The following GLYR1 variants were observed in gnomAD, a reference collection of about 807,000 sequenced individuals.
GLYR1 encodes the protein cytokine-like nuclear factor N-PAC.
GLYR1 carries 21 observed loss-of-function variants against 72.7 expected under a neutral mutation model. The observed-to-expected ratio is 0.29, with a 90% CI of 0.20 to 0.42. GLYR1 has a LOEUF of 0.42. GLYR1 is among the 10% of genes least tolerant of loss of function. The pLI, the probability that GLYR1 is intolerant of heterozygous loss-of-function variation, is 1.00. For missense variants in GLYR1, 594 were observed against 712.1 expected (o/e 0.83, Z 1.89); for synonymous variants, 392 against 270.2 (o/e 1.45, Z -4.42).
chr16:4,811,850 AG>A, intron 13 of GLYR1, 48 bp from the exon 14 acceptor site: 1 of 1,575,526 alleles, frequency 6.3e-7, no homozygotes, highest in Non-Finnish European at 8.6e-7. Flanking sequence ...TGCCACAGAC[AG>A]GGCTTCTCTG....
chr16:4,836,917 C>T lies in GLYR1; in HGVS notation c.156-4005G>A, dbSNP rs558890811. Among the ~76,000 whole-genome samples the T allele has an allele frequency of 6.6e-5, 10 of 152,182 alleles. No individual in the cohort carries two copies. In the East Asian group the frequency reaches 1.9e-3, roughly 29 times the overall value. ...GTTTCCTCCATGACTTCCTGGTTTG[C>T]AGGTTTGCTCTGGTGGGTTGCTGCT... On this transcript the variant is annotated intron_variant, in intron 3 of 15. Transcript: ENST00000321919.
At chr16:4,826,927 G>T (rs147503464) in intron 5 of GLYR1, among the ~76,000 whole-genome samples, 1 of 152,210 alleles carries the variant, frequency 6.6e-6, no homozygotes, top group African/African-American at 2.4e-5. Flanking sequence ...TGGCACTAAG[G>T]AAGGGCCCCA....
chr16:4,821,706 T>C (rs2084037530), intron 7 of GLYR1, 109 bp from the exon 8 acceptor site: 1 of 1,008,582 alleles, frequency 9.9e-7, no homozygotes, highest in East Asian at 2.4e-5. Context: ...CATCAACTAT[T>C]TGTTTTATAC....
intron 15 of GLYR1, among the ~76,000 whole-genome samples, chr16:4,806,717 T>C (rs2082999053): frequency 6.6e-6 from 1 of 151,878 alleles, no homozygotes; most frequent in South Asian, 2.1e-4. Context: ...TAAGGATTTA[T>C]ACCGCAATCT....
chr16:4,839,658 AT>A (rs1286189881), intron 3 of GLYR1: 1 of 152,192 alleles, frequency 6.6e-6, no homozygotes, highest in Non-Finnish European at 1.5e-5. Context: ...AGGACACCTG[AT>A]TAGGAAGGTC....
chr16:4,822,811 C>A (rs1176187844), intron 7 of GLYR1, 64 bp downstream of exon 7: 1 of 1,354,882 alleles, frequency 7.4e-7, no homozygotes, highest in African/African-American at 1.4e-5. Flanking sequence ...AGGCCAGGAC[C>A]CAGTGGAGGA....
intron 3 of GLYR1, among the ~76,000 whole-genome samples, chr16:4,839,075 C>T (rs370613924): frequency 7.9e-5 from 12 of 151,904 alleles, no homozygotes; most frequent in East Asian, 7.7e-4. Context: ...TTTCAGCCTT[C>T]GGATAGACAG....
intron 3 of GLYR1, among the ~76,000 whole-genome samples, chr16:4,840,709 C>G (rs543565305): frequency 1.3e-5 from 2 of 152,272 alleles, no homozygotes; most frequent in African/African-American, 4.8e-5. Flanking sequence ...GTATCATCCC[C>G]TTATGTAGAG....
chr16:4,811,519 G>C, intron 14 of GLYR1, 104 bp downstream of exon 14: 8 of 1,427,094 alleles, frequency 5.6e-6, no homozygotes, highest in Non-Finnish European at 7.7e-6. Context: ...CCAGGGTCAG[G>C]GACTGACTGG....
intron 2 of GLYR1, 145 bp downstream of exon 2, chr16:4,846,029 C>T: frequency 1.3e-6 from 1 of 798,462 alleles, no homozygotes; most frequent in South Asian, 1.4e-5. Flanking sequence ...TAAAAAATAA[C>T]CGATACTAGG....
At chr16:4,845,495 AC>A (rs1402436355) in intron 2 of GLYR1, among the ~76,000 whole-genome samples, 1 of 147,816 alleles carries the variant, frequency 6.8e-6, no homozygotes, top group Non-Finnish European at 1.5e-5. Context: ...GCCCCCCACC[AC>A]CCCACCCCTG....
intron 5 of GLYR1, among the ~76,000 whole-genome samples, chr16:4,825,809 T>C (rs893662012): frequency 1.3e-5 from 2 of 151,774 alleles, no homozygotes; most frequent in Non-Finnish European, 2.9e-5. Context: ...GCGGCCACCA[T>C]GCCCAGCTAA....
chr16:4,828,734 A>G (rs1392853614), intron 5 of GLYR1, among the ~76,000 whole-genome samples: 1 of 152,038 alleles, frequency 6.6e-6, no homozygotes, highest in Non-Finnish European at 1.5e-5. Context: ...TAACTAACAC[A>G]GTGAACCTAG....
At chr16:4,842,162 T>C (rs2085605305) in intron 3 of GLYR1, among the ~76,000 whole-genome samples, 1 of 151,326 alleles carries the variant, frequency 6.6e-6, no homozygotes. Context: ...GAGAATGGCA[T>C]GAACCCGGGA....
intron 13 of GLYR1, 29 bp downstream of exon 13, chr16:4,812,057 T>C: frequency 6.2e-7 from 1 of 1,603,074 alleles, no homozygotes; most frequent in East Asian, 2.2e-5. Flanking sequence ...GGCCCCAGGC[T>C]CCAGGCCTGA....
chr16:4,837,158 C>G (rs901371502), intron 3 of GLYR1, among the ~76,000 whole-genome samples: 1 of 152,180 alleles, frequency 6.6e-6, no homozygotes, highest in Non-Finnish European at 1.5e-5. Flanking sequence ...CATGTAGGGC[C>G]CGGTGCGGTG....
intron 7 of GLYR1, 103 bp from the exon 8 acceptor site, chr16:4,821,700 A>T (rs1362048936): frequency 9.4e-7 from 1 of 1,067,410 alleles, no homozygotes. Context: ...AGTTAACATC[A>T]ACTATTTGTT....
chr16:4,845,048 G>GGA, intron 3 of GLYR1, 26 bp downstream of exon 3: 1 of 1,495,370 alleles, frequency 6.7e-7, no homozygotes, highest in Non-Finnish European at 9.3e-7. Flanking sequence ...AAAGGCGAAG[G>GGA]GAGACTCCTG....
At chr16:4,823,758 A>G (rs79383710) in intron 6 of GLYR1, 63 bp downstream of exon 6, 3 of 1,182,256 alleles carry the variant, frequency 2.5e-6, no homozygotes, top group South Asian at 2.7e-5. Context: ...AAAAAAAAAA[A>G]AGGATCACAC....
Sources: gnomAD v4.1 joint callset for allele counts (sites outside exome capture counted in the v4.1 genomes callset) on GRCh38, gnomAD v4.1.1 for gene constraint, MANE v1.5 for transcripts, NCBI Gene and HGNC (gene_info 2026-07-23, HGNC 2026-07-21) for gene names.